Variants in EYS observed in about 807,000 individuals in gnomAD.
EYS encodes EGF-like photoreceptor maintenance factor.
A neutral mutation model predicts 282.1 loss-of-function variants in EYS; 250 were observed. That is an observed-to-expected ratio of 0.89 (90% CI 0.80 to 0.98). The LOEUF is 0.98. Among genes scored for constraint, EYS ranks in the 50% least tolerant of loss-of-function variants. The probability of loss-of-function intolerance (pLI) is 0.00; values close to 1 mark genes in which losing one functional copy is unlikely to be tolerated. For missense variants in EYS, 4,016 were observed against 3,709.0 expected, an observed-to-expected ratio of 1.08 and a Z score of -2.15; for synonymous variants, 1,355 against 1,282.9, an observed-to-expected ratio of 1.06 and a Z score of -1.20.
At chr6:65,219,185 C>A (rs1766395019) in intron 12 of EYS, among the ~76,000 whole-genome samples, 1 of 152,094 alleles carries the variant, frequency 6.6e-6, no homozygotes, top group Admixed American at 6.6e-5. Context: ...GTAATCATTT[C>A]TGGAGATGTT....
intron 28 of EYS, among the ~76,000 whole-genome samples, chr6:64,417,697 G>A (rs190144286): frequency 1.0e-4 from 12 of 120,512 alleles, no homozygotes; most frequent in South Asian, 5.3e-4. Flanking sequence ...TTTTGACAGC[G>A]TCTCACTGTG....
chr6:64,614,592 C>T (rs550524847), intron 24 of EYS, among the ~76,000 whole-genome samples: 14 of 152,006 alleles, frequency 9.2e-5, no homozygotes, highest in African/African-American at 2.4e-4. Flanking sequence ...GGTTACATTA[C>T]GATAAACCCA....
chr6:63,762,547 C>T lies in EYS; in HGVS notation c.7985G>A (p.Cys2662Tyr), dbSNP rs1490835672. Residue 2662 changes from cysteine (C) to tyrosine (Y), a missense_variant, in exon 41 of 43, where the codon TGT (cysteine) becomes TAT (tyrosine). Cys to Tyr is a radical substitution (Grantham distance 194, BLOSUM62 -2). Transcript: ENST00000503581. ...TGAAATGCAGGTTGCTCCTCTGCTA[C>T]AGTGGTGTGGAGGGTCATGTTCAGG... ...CDPEHDPPHH[C>Y]SRGATCISLP... The T allele has an allele frequency of 6.4e-7, 1 of 1,550,454 alleles. No individual in the cohort carries two copies. Among genetic ancestry groups the T allele is most frequent in the East Asian group, 2.4e-5 (1 of 40,882 alleles).
At chr6:65,279,419 T>C (rs1198900980) in intron 12 of EYS, among the ~76,000 whole-genome samples, 1 of 152,174 alleles carries the variant, frequency 6.6e-6, no homozygotes, top group Non-Finnish European at 1.5e-5. Context: ...ATTGCCTCAC[T>C]TTATTTTCCT....
intron 26 of EYS, among the ~76,000 whole-genome samples, chr6:64,495,706 C>G (rs750636162): frequency 2.2e-4 from 33 of 151,860 alleles, no homozygotes; most frequent in Admixed American, 5.9e-4. Flanking sequence ...GACGTTAAAC[C>G]TTTTATTTCC....
intron 8 of EYS, among the ~76,000 whole-genome samples, chr6:65,366,516 G>A (rs1042219749): frequency 1.3e-5 from 2 of 151,650 alleles, no homozygotes; most frequent in Admixed American, 6.7e-5. Flanking sequence ...TTTTAGAGAG[G>A]ACCTATCACC....
intron 30 of EYS, among the ~76,000 whole-genome samples, chr6:64,253,273 C>A (rs1248597812): frequency 2.0e-5 from 3 of 152,052 alleles, no homozygotes; most frequent in Non-Finnish European, 2.9e-5. Context: ...TACTGTATTT[C>A]TTTACTCTTC....
chr6:64,597,425 T>A (rs1307794520), intron 24 of EYS, among the ~76,000 whole-genome samples: 1 of 152,188 alleles, frequency 6.6e-6, no homozygotes, highest in Non-Finnish European at 1.5e-5. Flanking sequence ...TATATGTTTA[T>A]CACAGCACCG....
intron 1 of EYS, among the ~76,000 whole-genome samples, chr6:65,645,297 T>G (rs1480220752): frequency 1.3e-5 from 2 of 152,062 alleles, no homozygotes; most frequent in Non-Finnish European, 2.9e-5. Context: ...CAAATAAGTC[T>G]CAGTAAATTT....
At chr6:65,073,836 T>G (rs1426762006) in intron 12 of EYS, among the ~76,000 whole-genome samples, 1 of 151,964 alleles carries the variant, frequency 6.6e-6, no homozygotes, top group Non-Finnish European at 1.5e-5. Flanking sequence ...CATTGATCTG[T>G]GCCATATACT....
intron 26 of EYS, among the ~76,000 whole-genome samples, chr6:64,466,749 AC>A (rs1262723485): frequency 6.6e-6 from 1 of 152,176 alleles, no homozygotes; most frequent in Non-Finnish European, 1.5e-5. Context: ...TTTAAGTGTT[AC>A]TACCACAAAA....
intron 35 of EYS, among the ~76,000 whole-genome samples, chr6:63,902,840 G>C (rs1323297713): frequency 1.3e-5 from 2 of 149,114 alleles, no homozygotes; most frequent in Non-Finnish European, 2.9e-5. Flanking sequence ...GGCATGGGCG[G>C]TAACAGTATA....
At chr6:65,432,853 G>C (rs1400494517) in intron 5 of EYS, among the ~76,000 whole-genome samples, 32 of 152,004 alleles carry the variant, frequency 2.1e-4, no homozygotes, top group Non-Finnish European at 2.4e-4. Context: ...TTGTAGGTAA[G>C]AGCAACAAAC....
At chr6:64,022,355 T>A (rs964448963) in intron 33 of EYS, among the ~76,000 whole-genome samples, 1 of 152,218 alleles carries the variant, frequency 6.6e-6, no homozygotes, top group East Asian at 1.9e-4. Flanking sequence ...GTATCCAGAA[T>A]CTATTCATGG....
chr6:64,414,196 G>A (rs904275724), intron 28 of EYS, among the ~76,000 whole-genome samples: 4 of 152,112 alleles, frequency 2.6e-5, no homozygotes, highest in African/African-American at 9.7e-5. Flanking sequence ...AAAGTTTCCT[G>A]AGAAATGAAG....
chr6:64,269,015 G>GA lies in EYS; in HGVS notation c.6191+37954dup, dbSNP rs532105279. ...AGTACTAATATATCTTCCACTGGCTGAAAAAATGTATGCTTCCTCATGTGT... is the reference window on the plus strand; with the variant it reads ...AGTACTAATATATCTTCCACTGGCTGAAAAAAATGTATGCTTCCTCATGTGT... On this transcript the variant is annotated intron_variant, in intron 30 of 42. Transcript: ENST00000503581. 6.2e-3 allele frequency among the ~76,000 whole-genome samples: 939 copies of GA among 152,208 alleles called. 8 individuals carry two copies. The highest frequency in any genetic ancestry group is 0.021 in the African/African-American group (888 of 41,558).
rs1768482157 is a variant in EYS at position 65,443,345 on chromosome 6, T to C, written c.863-37978A>G. ...ATATATGCATACATGTATGTACACA[T>C]ATAGACATATATGCATACATGTATG... On this transcript the variant is annotated intron_variant, in intron 5 of 42. Coordinates refer to ENST00000503581, the MANE Select transcript of EYS (RefSeq NM_001142800.2). 1.4e-5 allele frequency among the ~76,000 whole-genome samples: 2 copies of C among 140,338 alleles called. 1 individual carries two copies. Among genetic ancestry groups the C allele is most frequent in the Non-Finnish European group, 3.2e-5 (2 of 61,720 alleles). 92.1% of individuals were successfully genotyped at this position (140,338 alleles called of 152,430 possible). A position where few individuals can be genotyped will look rare whatever the true frequency, so the allele number is the denominator to read the frequency against.
At chr6:63,983,525 T>C (rs1367659068) in intron 35 of EYS, among the ~76,000 whole-genome samples, 1 of 151,788 alleles carries the variant, frequency 6.6e-6, no homozygotes. Flanking sequence ...TTGATAAAAT[T>C]TCTCTCTTTT....
chr6:65,081,299 C>T (rs1250259120), intron 12 of EYS, among the ~76,000 whole-genome samples: 1 of 151,924 alleles, frequency 6.6e-6, no homozygotes, highest in East Asian at 1.9e-4. Flanking sequence ...CAAAAGCAAG[C>T]TTAGTGGGGA....
Sources: allele counts gnomAD v4.1 joint callset (sites outside exome capture counted in the v4.1 genomes callset), GRCh38; gene constraint gnomAD v4.1.1; transcripts MANE v1.5; gene names NCBI Gene and HGNC (gene_info 2026-07-23, HGNC 2026-07-21).